The following TSHZ2 variants were observed in gnomAD, a reference collection of about 807,000 sequenced individuals.
TSHZ2 encodes the protein teashirt homolog 2.
TSHZ2 carries 21 observed loss-of-function variants against 74.4 expected under a neutral mutation model. The ratio of observed to expected loss-of-function variants is 0.28; its 90% CI spans 0.20 to 0.41. TSHZ2 has a LOEUF of 0.41. TSHZ2 is among the 10% of genes least tolerant of loss of function. The pLI is 1.00. For synonymous variants in TSHZ2, 540 were observed against 515.3 expected, an observed-to-expected ratio of 1.05 and a Z score of -0.65; for missense variants, 1,244 against 1,293.5, an observed-to-expected ratio of 0.96 and a Z score of 0.59.
At chr20:53,113,648 G>A (rs1347073233) in intron 1 of TSHZ2, among the ~76,000 whole-genome samples, 22 of 152,196 alleles carry the variant, frequency 1.4e-4, no homozygotes, top group Admixed American at 1.4e-3. Flanking sequence ...CACCCAGAAT[G>A]TGCCCTAATA....
chr20:53,329,740 A>G (rs16997950), intron 2 of TSHZ2, among the ~76,000 whole-genome samples: 21,069 of 152,170 alleles, frequency 0.14, 2,713 homozygotes, highest in African/African-American at 0.34. Flanking sequence ...TCTAAAAACA[A>G]AGAAATCAGC....
intron 1 of TSHZ2, among the ~76,000 whole-genome samples, chr20:53,184,481 G>T (rs542995160): frequency 1.3e-5 from 2 of 152,154 alleles, no homozygotes; most frequent in Non-Finnish European, 2.9e-5. Flanking sequence ...GAAGCAAAAT[G>T]TGAATTTTAA....
At chr20:53,205,758 C>G (rs1247157165) in intron 1 of TSHZ2, among the ~76,000 whole-genome samples, 1 of 152,176 alleles carries the variant, frequency 6.6e-6, no homozygotes, top group East Asian at 1.9e-4. Context: ...ATGCCTTCAT[C>G]TGCTTCTAAA....
chr20:53,012,552 G>A (rs866507139), intron 1 of TSHZ2, among the ~76,000 whole-genome samples: 8 of 152,062 alleles, frequency 5.3e-5, no homozygotes, highest in South Asian at 4.2e-4. Context: ...CCAAGCAGCT[G>A]GGCCAATTTA....
intron 1 of TSHZ2, among the ~76,000 whole-genome samples, chr20:53,006,870 TA>T (rs1214795906): frequency 6.6e-6 from 1 of 151,744 alleles, no homozygotes; most frequent in East Asian, 1.9e-4. Flanking sequence ...CAAACATGAA[TA>T]AAAAATAAAA....
rs1388299522 is a variant in TSHZ2 at position 53,469,722 on chromosome 20, AAGGGAGGG to A, written c.*9-17418_*9-17411del. ...AAAGATAGAGAAAGAGAGAGGGAGG[AAGGGAGGG>A]AGGAAGGAAGGAAGGACCCAAGAAA... On this transcript the variant is annotated intron_variant, in intron 2 of 2. Coordinates refer to ENST00000371497, the MANE Select transcript of TSHZ2 (RefSeq NM_173485.6). 1.3e-4 allele frequency among the ~76,000 whole-genome samples: 16 copies of A among 121,446 alleles called. 1 individual carries two copies. The highest frequency in any genetic ancestry group is 4.4e-4 in the African/African-American group (14 of 31,794). The allele number at this position is 121,446 out of a possible 152,430, so 79.7% of individuals were successfully genotyped here.
intron 2 of TSHZ2, among the ~76,000 whole-genome samples, chr20:53,342,520 A>G (rs571457347): frequency 6.6e-6 from 1 of 152,196 alleles, no homozygotes; most frequent in Non-Finnish European, 1.5e-5. Context: ...AATAACATCA[A>G]TTCATAGTAA....
At chr20:53,361,619 A>G (rs1177236612) in intron 2 of TSHZ2, among the ~76,000 whole-genome samples, 1 of 152,184 alleles carries the variant, frequency 6.6e-6, no homozygotes. Flanking sequence ...ATAAATGGGA[A>G]TAATATCGCC....
chr20:52,982,596 A>C (rs1297243215), intron 1 of TSHZ2, among the ~76,000 whole-genome samples: 2 of 152,226 alleles, frequency 1.3e-5, no homozygotes, highest in Non-Finnish European at 2.9e-5. Context: ...AGGTGCTGTA[A>C]AAATAACAGT....
intron 1 of TSHZ2, among the ~76,000 whole-genome samples, chr20:53,204,202 T>TAA (rs1989091093): frequency 7.0e-6 from 1 of 142,688 alleles, no homozygotes; most frequent in Non-Finnish European, 1.5e-5. Flanking sequence ...TATCATCATA[T>TAA]GATGATATGA....
chr20:53,239,228 C>T (rs1286102303), intron 1 of TSHZ2, among the ~76,000 whole-genome samples: 1 of 152,166 alleles, frequency 6.6e-6, no homozygotes, highest in Non-Finnish European at 1.5e-5. Context: ...GGAGCAAAAT[C>T]ACCCCAGATG....
intron 1 of TSHZ2, among the ~76,000 whole-genome samples, chr20:53,187,489 T>C (rs1463386830): frequency 2.0e-5 from 3 of 152,206 alleles, no homozygotes; most frequent in African/African-American, 7.2e-5. Context: ...TGCTATTTGC[T>C]TTACCTTTTA....
At chr20:52,978,238 G>A (rs995432828) in intron 1 of TSHZ2, among the ~76,000 whole-genome samples, 6 of 152,114 alleles carry the variant, frequency 3.9e-5, no homozygotes, top group South Asian at 2.1e-4. Context: ...GGGGGTGGGG[G>A]CACAGACTGA....
chr20:53,098,388 T>G (rs901466330), intron 1 of TSHZ2, among the ~76,000 whole-genome samples: 1 of 152,258 alleles, frequency 6.6e-6, no homozygotes, highest in Non-Finnish European at 1.5e-5. Context: ...AGTTACCATA[T>G]GTAACAGATG....
intron 1 of TSHZ2, among the ~76,000 whole-genome samples, chr20:53,155,553 G>A (rs1268414364): frequency 6.6e-6 from 1 of 151,808 alleles, no homozygotes; most frequent in Non-Finnish European, 1.5e-5. Flanking sequence ...GAAGGAGGGT[G>A]CAGAATTAAT....
intron 1 of TSHZ2, among the ~76,000 whole-genome samples, chr20:53,175,135 T>C (rs1187617284): frequency 1.8e-4 from 15 of 84,866 alleles, no homozygotes; most frequent in Admixed American, 7.6e-4. Flanking sequence ...TTCTTTCTTT[T>C]TTTTTTTTTT....
In TSHZ2 at chr20:53,483,564, AAAAC is replaced by A. The variant is rs375405976; in HGVS notation, c.*9-3576_*9-3573del. ...AACAAATTTTTAATTAAAAAATTAA[AAAAC>A]AAAAAGGATCTGTCATGAAGGTATT... On this transcript the variant is annotated intron_variant, in intron 2 of 2. Transcript: ENST00000371497. 9.6e-3 allele frequency among the ~76,000 whole-genome samples: 1,460 copies of A among 152,322 alleles called. 11 individuals carry two copies. The highest frequency in any genetic ancestry group is 0.016 in the Non-Finnish European group (1,074 of 68,022).
At chr20:53,104,164 C>T (rs373979028) in intron 1 of TSHZ2, among the ~76,000 whole-genome samples, 6 of 151,278 alleles carry the variant, frequency 4.0e-5, no homozygotes, top group East Asian at 2.0e-4. Flanking sequence ...CCACTGGGCA[C>T]GCGTGCTGTG....
intron 1 of TSHZ2, among the ~76,000 whole-genome samples, chr20:53,016,781 C>T (rs780020543): frequency 2.0e-5 from 3 of 152,262 alleles, no homozygotes; most frequent in East Asian, 3.9e-4. Flanking sequence ...TTTCTATTCA[C>T]GCTACTCATC....
Sources: gnomAD v4.1 joint callset for allele counts (sites outside exome capture counted in the v4.1 genomes callset) on GRCh38, gnomAD v4.1.1 for gene constraint, MANE v1.5 for transcripts, NCBI Gene and HGNC (gene_info 2026-07-23, HGNC 2026-07-21) for gene names.